NPC1: variants seen among roughly 807,000 people sequenced by gnomAD.
NPC1 encodes NPC intracellular cholesterol transporter 1.
In NPC1, 85 loss-of-function variants were observed where a neutral mutation model predicts 140.4. That is an observed-to-expected ratio of 0.61 (90% CI 0.51 to 0.72). The LOEUF is 0.72. Ranked by LOEUF, NPC1 falls within the 30% of genes least tolerant of loss-of-function variation. NPC1 has a pLI of 0.00. For missense variants in NPC1, 1,504 were observed against 1,623.8 expected (o/e 0.93, Z 1.27); for synonymous variants, 656 against 624.8 (o/e 1.05, Z -0.74).
rs1567992088 is a variant in NPC1, at chr18:23,586,466, G to A, written c.-123C>T. The A allele has an allele frequency of 6.8e-7, 1 of 1,462,080 alleles. No individual in the cohort carries two copies. The highest frequency in any genetic ancestry group is 9.0e-7 in the Non-Finnish European group (1 of 1,113,812). The allele number at this position is 1,462,080 out of a possible 1,614,324, so 90.6% of individuals were successfully genotyped here. A position where few individuals can be genotyped will look rare whatever the true frequency, so the allele number is the denominator to read the frequency against. On this transcript the variant is annotated 5_prime_UTR_variant, in exon 1 of 25. Coordinates refer to ENST00000269228, the MANE Select transcript of NPC1 (RefSeq NM_000271.5). ...AGGAGGAGCGGAGGAGCAGGAGCAG[G>A]CGCTGACCGCGGCAGCAGGCTGCGC...
intron 24 of NPC1, chr18:23,533,067 C>T (rs892686534): frequency 8.7e-6 from 6 of 686,478 alleles, no homozygotes; most frequent in African/African-American, 5.6e-5. Flanking sequence ...AGCTGCCCTG[C>T]CTGCTGACAC....
At chr18:23,544,807 T>G (rs1371932287) in intron 12 of NPC1, among the ~76,000 whole-genome samples, 153 bp downstream of exon 12, 1 of 152,182 alleles carries the variant, frequency 6.6e-6, no homozygotes, top group Admixed American at 6.5e-5. Context: ...AGAAAATAGA[T>G]GTAGGCAACA....
intron 24 of NPC1, 59 bp downstream of exon 24, chr18:23,533,296 G>A: frequency 6.7e-7 from 1 of 1,489,412 alleles, no homozygotes; most frequent in Non-Finnish European, 9.4e-7. Context: ...CCTCAGGATA[G>A]AATTCCCTTT....
chr18:23,530,643 C>T (rs567664912), downstream of NPC1: 1 of 1,598,232 alleles, frequency 6.3e-7, no homozygotes, highest in Admixed American at 1.7e-5. Context: ...CTTGGGGTAA[C>T]CATAGCCTCA....
intron 3 of NPC1, among the ~76,000 whole-genome samples, chr18:23,570,135 T>C (rs1020582464): frequency 2.0e-5 from 3 of 152,210 alleles, no homozygotes; most frequent in African/African-American, 7.2e-5. Context: ...GAAACCACAA[T>C]TGTATTATTC....
chr18:23,537,692 C>G (rs1269004718), intron 20 of NPC1, among the ~76,000 whole-genome samples: 1 of 152,196 alleles, frequency 6.6e-6, no homozygotes, highest in African/African-American at 2.4e-5. Context: ...GGAGGCTCCC[C>G]AGGAACGGTG....
chr18:23,546,180 C>CA (rs2145410108), intron 11 of NPC1, among the ~76,000 whole-genome samples: 1 of 131,466 alleles, frequency 7.6e-6, no homozygotes, highest in African/African-American at 2.9e-5. Flanking sequence ...ACCTGGAAGG[C>CA]AGAGGCTGCA....
Position 23,531,870 on chromosome 18 carries a change from A to T in NPC1, c.*332T>A. On this transcript the variant is annotated 3_prime_UTR_variant, in exon 25 of 25. Coordinates refer to ENST00000269228, the MANE Select transcript of NPC1 (RefSeq NM_000271.5). ...GGCTTACTCCTAAAAGGAGAGACAG[A>T]CAGTGCATTGATTGGCCTTTACAGA... 1 of 1,447,808 alleles carries T rather than the reference A, an allele frequency of 6.9e-7. No homozygotes were observed. Among genetic ancestry groups the T allele is most frequent in the South Asian group, 1.5e-5 (1 of 67,686 alleles). The allele number at this position is 1,447,808 out of a possible 1,614,324, so 89.7% of individuals were successfully genotyped here. A position where few individuals can be genotyped will look rare whatever the true frequency, so the allele number is the denominator to read the frequency against.
chr18:23,532,394 T>C (rs1163462761), intron 24 of NPC1, 110 bp from the exon 25 acceptor site: 36 of 1,193,520 alleles, frequency 3.0e-5, no homozygotes, highest in African/African-American at 4.5e-5. Context: ...GGCAGGAGAA[T>C]TGCTTGAGAC....
downstream of NPC1, chr18:23,529,665 C>T: frequency 6.2e-7 from 1 of 1,614,078 alleles, no homozygotes; most frequent in Non-Finnish European, 8.5e-7. Flanking sequence ...GATAGCCGTG[C>T]TGATGGAATA....
intron 22 of NPC1, 105 bp from the exon 23 acceptor site, chr18:23,534,664 C>A: frequency 2.4e-6 from 2 of 841,056 alleles, no homozygotes; most frequent in Non-Finnish European, 3.9e-6. Context: ...ACCCTGGGTG[C>A]TAGAGGAGGC....
In NPC1 at chr18:23,532,275, A is replaced by G; in HGVS notation, c.3764T>C (p.Val1255Ala). Reference protein sequence around the residue: ...PVLLSYIGPSVNKAKSCATEE... With the variant: ...PVLLSYIGPSANKAKSCATEE... Reference sequence around the variant, plus strand: ...AGTGGCACAACTTTTGGCTTTATTTACTGATGGCCCTATGAGAGAGAGAGA... The same window carrying G: ...AGTGGCACAACTTTTGGCTTTATTTGCTGATGGCCCTATGAGAGAGAGAGA... Residue 1255 changes from valine (V) to alanine (A), a missense_variant, in exon 25 of 25, where the codon GTA becomes GCA. Physicochemically the swap from Val to Ala is moderately conservative, Grantham distance 64. Transcript: ENST00000269228. 1.2e-6 allele frequency: 2 copies of G among 1,614,058 alleles called. No individual in the cohort carries two copies. Among genetic ancestry groups the G allele is most frequent in the Non-Finnish European group, 1.7e-6 (2 of 1,180,014 alleles).
chr18:23,573,384 AAGGAATAATTACAG>A, intron 2 of NPC1, 54 bp downstream of exon 2: 1 of 1,603,540 alleles, frequency 6.2e-7, no homozygotes, highest in East Asian at 2.2e-5. Context: ...AATAACATTT[AAGGAATAATTACAG>A]AGGATCTTGT....
intron 18 of NPC1, 46 bp downstream of exon 18, chr18:23,539,765 G>C (rs2058685216): frequency 6.3e-7 from 1 of 1,593,872 alleles, no homozygotes; most frequent in Non-Finnish European, 8.6e-7. Flanking sequence ...GCCTGGCTGA[G>C]AGCCTCCTCC....
At position 23,556,796 on chromosome 18, in the gene NPC1, A is replaced by G. The variant is rs2145459995; in HGVS notation, c.956-183T>C. On this transcript the variant is annotated intron_variant, in intron 7 of 24. Transcript: ENST00000269228. ...AAAGCCACCTTTGTTGGCTGCCCTC[A>G]ATGAGCGCTATTCCCACCCCACAGA... 3 of 901,108 alleles carry G rather than the reference A, an allele frequency of 3.3e-6. No individual in the cohort carries two copies. The East Asian group carries it at 7.9e-5, about 24-fold the overall frequency. The allele number at this position is 901,108 out of a possible 1,614,324, so 55.8% of individuals were successfully genotyped here.
chr18:23,586,244 G>C (rs2059417194), intron 1 of NPC1, 43 bp downstream of exon 1: 2 of 1,525,794 alleles, frequency 1.3e-6, no homozygotes, highest in Non-Finnish European at 8.8e-7. Flanking sequence ...TCTCGGCCCC[G>C]CCACGTCCCC....
chr18:23,507,080 A>C (rs918957576), intron 3 of NPC1: 1 of 1,425,210 alleles, frequency 7.0e-7, no homozygotes, highest in African/African-American at 1.4e-5. Context: ...AAAATACAGC[A>C]TTAAAGGGCA....
chr18:23,537,533 C>T (rs1320512063), intron 20 of NPC1, among the ~76,000 whole-genome samples: 1 of 152,196 alleles, frequency 6.6e-6, no homozygotes, highest in Non-Finnish European at 1.5e-5. Flanking sequence ...TCAGCCCTGC[C>T]ACTTACTGGT....
At position 23,540,432 on chromosome 18, in the gene NPC1, AAG is replaced by A. The variant is rs1403745177; in HGVS notation, c.2604+14_2604+15del. 9.4e-6 allele frequency: 14 copies of A among 1,490,150 alleles called. No individual in the cohort carries two copies. The highest frequency in any genetic ancestry group is 1.3e-5 in the Non-Finnish European group (14 of 1,078,078). The allele number at this position is 1,490,150 out of a possible 1,614,324, so 92.3% of individuals were successfully genotyped here. On this transcript the variant is annotated intron_variant, in intron 17 of 24. Coordinates refer to ENST00000269228, the MANE Select transcript of NPC1 (RefSeq NM_000271.5). ...CTAAAGAAGTTAAAAAAAAAAAAAA[AAG>A]GAAGTCATCTTACATCTGGCATCGA...
Sources: gnomAD v4.1 joint callset for allele counts (sites outside exome capture counted in the v4.1 genomes callset) on GRCh38, gnomAD v4.1.1 for gene constraint, MANE v1.5 for transcripts, NCBI Gene and HGNC (gene_info 2026-07-23, HGNC 2026-07-21) for gene names.